Variants in LGSN observed in about 807,000 individuals in gnomAD.
LGSN encodes the protein lengsin, lens protein with glutamine synthetase domain, also known as lengsin.
In LGSN, 21 loss-of-function variants were observed where a neutral mutation model predicts 19.5. That is an observed-to-expected ratio of 1.07 (90% CI 0.76 to 1.55). The LOEUF (loss-of-function observed/expected upper bound fraction) is 1.55. Among genes scored for constraint, LGSN ranks in the 40% most tolerant of loss-of-function variants. The pLI, the probability that LGSN is intolerant of heterozygous loss-of-function variation, is 0.00. For missense variants in LGSN, 673 were observed against 608.5 expected (o/e 1.11, Z -1.12); for synonymous variants, 257 against 215.6 (o/e 1.19, Z -1.68).
chr6:63,457,943 A>G, the LGSN span, among the ~76,000 whole-genome samples: 1 of 152,092 alleles, frequency 6.6e-6, no homozygotes, highest in Non-Finnish European at 1.5e-5. Flanking sequence ...ACTTTCACAT[A>G]TTTACCATCT....
At chr6:63,450,679 G>T in the LGSN span, among the ~76,000 whole-genome samples, 6 of 144,970 alleles carry the variant, frequency 4.1e-5, no homozygotes, top group South Asian at 2.2e-4. Flanking sequence ...GATTATAATG[G>T]TTTTTTTTTT....
the LGSN span, among the ~76,000 whole-genome samples, chr6:63,464,373 C>T: frequency 6.6e-6 from 1 of 152,020 alleles, no homozygotes; most frequent in African/African-American, 2.4e-5. Flanking sequence ...TTTGCTTTCT[C>T]TATTACAGGC....
At chr6:63,328,379 A>G in the LGSN span, among the ~76,000 whole-genome samples, 1 of 152,202 alleles carries the variant, frequency 6.6e-6, no homozygotes, top group Non-Finnish European at 1.5e-5. Context: ...GGCCACGCAC[A>G]TGCATATTTC....
At chr6:63,411,497 A>G in the LGSN span, among the ~76,000 whole-genome samples, 4 of 152,134 alleles carry the variant, frequency 2.6e-5, no homozygotes, top group Admixed American at 6.6e-5. Context: ...CACACTATTA[A>G]TGGTAATAAT....
At chr6:63,403,562 A>T in the LGSN span, among the ~76,000 whole-genome samples, 1 of 152,186 alleles carries the variant, frequency 6.6e-6, no homozygotes, top group Non-Finnish European at 1.5e-5. Context: ...AAAACAGAAA[A>T]CAGTGGGAAA....
the LGSN span, among the ~76,000 whole-genome samples, chr6:63,568,658 TA>T: frequency 0.11 from 15,832 of 144,482 alleles, 886 homozygotes; most frequent in East Asian, 0.16. Flanking sequence ...ATCATTTTGT[TA>T]AAAAAAAAAA....
At chr6:63,392,816 G>A in the LGSN span, among the ~76,000 whole-genome samples, 613 of 151,274 alleles carry the variant, frequency 4.1e-3, no homozygotes, top group Non-Finnish European at 5.7e-3. Context: ...CTGTAAAACC[G>A]AGCTGCAGAC....
the LGSN span, among the ~76,000 whole-genome samples, chr6:63,456,390 T>TATAC: frequency 3.2e-5 from 4 of 125,226 alleles, no homozygotes; most frequent in Admixed American, 8.0e-5. Context: ...TATATATATA[T>TATAC]ATACTTTTTT....
chr6:63,311,190 C>A (rs943978193), intron 1 of LGSN, among the ~76,000 whole-genome samples: 2 of 152,170 alleles, frequency 1.3e-5, no homozygotes, highest in African/African-American at 4.8e-5. Flanking sequence ...GAATCTTGAT[C>A]ATACCGGTTT....
At chr6:63,335,254 C>T in the LGSN span, among the ~76,000 whole-genome samples, 5 of 151,962 alleles carry the variant, frequency 3.3e-5, no homozygotes, top group African/African-American at 1.2e-4. Flanking sequence ...CTATCTCTCA[C>T]CACACACAAA....
the LGSN span, among the ~76,000 whole-genome samples, chr6:63,369,367 C>T: frequency 1.3e-5 from 2 of 152,310 alleles, no homozygotes; most frequent in South Asian, 4.1e-4. Flanking sequence ...AATGCTAGGT[C>T]ACTTGAAATT....
At chr6:63,294,035 A>T (rs1349032097) in intron 2 of LGSN, among the ~76,000 whole-genome samples, 2 of 152,120 alleles carry the variant, frequency 1.3e-5, no homozygotes, top group African/African-American at 4.8e-5. Context: ...TTTATAGAGA[A>T]TTTAAAAACA....
chr6:63,507,322 A>G, the LGSN span, among the ~76,000 whole-genome samples: 3 of 152,178 alleles, frequency 2.0e-5, no homozygotes, highest in Admixed American at 6.5e-5. Flanking sequence ...ATGAGGCCCA[A>G]GTGTGAGTTA....
intron 1 of LGSN, among the ~76,000 whole-genome samples, chr6:63,316,061 A>G (rs540256667): frequency 6.6e-6 from 1 of 152,232 alleles, no homozygotes; most frequent in African/African-American, 2.4e-5. Flanking sequence ...TCTCATCTCC[A>G]AGCACATTTG....
chr6:63,490,968 T>G, the LGSN span, among the ~76,000 whole-genome samples: 1 of 144,494 alleles, frequency 6.9e-6, no homozygotes, highest in East Asian at 2.0e-4. Flanking sequence ...TTCCTCAACC[T>G]TTTTTTTTTT....
chr6:63,281,189 C>A lies in LGSN; in HGVS notation c.362G>T (p.Arg121Leu), dbSNP rs1210441333. 1 of 1,601,996 alleles carries A rather than the reference C, an allele frequency of 6.2e-7. No homozygotes were observed. The highest frequency in any genetic ancestry group is 1.7e-5 in the Admixed American group (1 of 58,470). The change falls in exon 4 of 4, where the codon CGA (arginine) becomes CTA (leucine). Residue 121 changes from arginine to leucine, a missense_variant. Physicochemically the swap from Arg to Leu is moderately radical, Grantham distance 102 (BLOSUM62 -2). Transcript: ENST00000370657. ...ATTTGGTATCACTTCAAGATAACCT[C>A]GGGGCATGCAAACACCATGGCTCAC... is the stretch of plus-strand genomic sequence containing the variant. Reference protein sequence around the residue: ...EKVSHGVCMPRGYLEVIPNPK... With the variant: ...EKVSHGVCMPLGYLEVIPNPK...
In LGSN at chr6:63,279,401, C is replaced by G. The variant is rs192749724; in HGVS notation, c.*620G>C. The stretch of plus-strand genomic sequence containing the variant: ...GATTTGTTTCTTGAGGACATTATAA[C>G]CTTGAAGTTCATAAGCTTTTCAGGA... On this transcript the variant is annotated 3_prime_UTR_variant, in exon 4 of 4. Transcript: ENST00000370657. 6.6e-6 allele frequency: 1 copy of G among 152,316 alleles called. No homozygotes were observed. The highest frequency in any genetic ancestry group is 1.5e-5 in the Non-Finnish European group (1 of 68,038). 9.4% of individuals were successfully genotyped at this position (152,316 alleles called of 1,614,324 possible). A position where few individuals can be genotyped will look rare whatever the true frequency, so the allele number is the denominator to read the frequency against.
At chr6:63,568,694 T>C in the LGSN span, among the ~76,000 whole-genome samples, 1 of 151,842 alleles carries the variant, frequency 6.6e-6, no homozygotes, top group Non-Finnish European at 1.5e-5. Context: ...GCACAATAAA[T>C]GAAGGTATGC....
chr6:63,293,754 T>C (rs577547944), intron 2 of LGSN: 1 of 456,660 alleles, frequency 2.2e-6, no homozygotes, highest in South Asian at 1.5e-5. Flanking sequence ...ATCCTGAGAG[T>C]CCTTGTCATC....
Sources: allele counts gnomAD v4.1 joint callset (sites outside exome capture counted in the v4.1 genomes callset), GRCh38; gene constraint gnomAD v4.1.1; transcripts MANE v1.5; gene names NCBI Gene and HGNC (gene_info 2026-07-23, HGNC 2026-07-21).